TTL: variants seen among roughly 807,000 people sequenced by gnomAD.
The protein encoded by TTL is tubulin tyrosine ligase.
A neutral mutation model predicts 41.1 loss-of-function variants in TTL; 10 were observed. The ratio of observed to expected loss-of-function variants is 0.24; its 90% CI spans 0.15 to 0.41. The LOEUF is 0.41. TTL is among the 10% of genes least tolerant of loss of function. TTL has a pLI of 1.00. For synonymous variants in TTL, 175 were observed against 175.5 expected, an observed-to-expected ratio of 1.00 and a Z score of 0.02; for missense variants, 367 against 460.4, an observed-to-expected ratio of 0.80 and a Z score of 1.86.
In TTL at chr2:112,533,741, A is replaced by G. The variant is rs889507497; in HGVS notation, c.*4946A>G. Reference sequence around the variant, plus strand: ...CATGAGGGTAGAGCTCTCGTGACCTAACCTCTTACAGGTCCCACCTCTCAA... The same window carrying G: ...CATGAGGGTAGAGCTCTCGTGACCTGACCTCTTACAGGTCCCACCTCTCAA... On this transcript the variant is annotated 3_prime_UTR_variant, in exon 7 of 7. Transcript: ENST00000233336. 6.6e-6 allele frequency: 1 copy of G among 152,182 alleles called. No individual in the cohort carries two copies. The highest frequency in any genetic ancestry group is 2.1e-4 in the South Asian group (1 of 4,824). The allele number at this position is 152,182 out of a possible 1,614,324, so 9.4% of individuals were successfully genotyped here. A position where few individuals can be genotyped will look rare whatever the true frequency, so the allele number is the denominator to read the frequency against.
intron 3 of TTL, among the ~76,000 whole-genome samples, chr2:112,494,951 G>A (rs1410400478): frequency 6.6e-6 from 1 of 152,166 alleles, no homozygotes; most frequent in Non-Finnish European, 1.5e-5. Flanking sequence ...TTTTCAAAAC[G>A]TAAATCTAAT....
chr2:112,482,716 G>A lies in TTL; in HGVS notation c.157+215G>A, dbSNP rs1350177121. On this transcript the variant is annotated intron_variant, in intron 1 of 6. Transcript: ENST00000233336. The surrounding 1 kb of genome is among the most constrained non-coding windows in gnomAD (Gnocchi z 5.3). ...GGATTTAGAGTCGGAGTCGCGGTGC[G>A]GCCACTCGGGGCCGCAGCTACCTCC... Among the ~76,000 whole-genome samples, 1 of 152,202 alleles carries A rather than the reference G, an allele frequency of 6.6e-6. No individual in the cohort carries two copies. Among genetic ancestry groups the A allele is most frequent in the Non-Finnish European group, 1.5e-5 (1 of 68,032 alleles).
At chr2:112,528,512 A>T (rs1300399694) in intron 6 of TTL, among the ~76,000 whole-genome samples, 169 bp from the exon 7 acceptor site, 2 of 152,090 alleles carry the variant, frequency 1.3e-5, no homozygotes, top group Non-Finnish European at 2.9e-5. Context: ...AGGTGGGAGG[A>T]TCCCTTGAGC....
chr2:112,482,616 C>A lies in TTL; in HGVS notation c.157+115C>A. ...AGGTCATACATTTTCTCCTCTGTCGCTTGTCGGGCACATCAGAAACGGATT... is the reference window on the plus strand; with the variant it reads ...AGGTCATACATTTTCTCCTCTGTCGATTGTCGGGCACATCAGAAACGGATT... On this transcript the variant is annotated intron_variant, in intron 1 of 6. Transcript: ENST00000233336. The surrounding 1 kb of genome is among the most constrained non-coding windows in gnomAD (Gnocchi z 5.3). 1 of 1,162,264 alleles carries A rather than the reference C, an allele frequency of 8.6e-7. No individual in the cohort carries two copies. Among genetic ancestry groups the A allele is most frequent in the Non-Finnish European group, 1.2e-6 (1 of 857,768 alleles). 72.0% of individuals were successfully genotyped at this position (1,162,264 alleles called of 1,614,324 possible).
intron 1 of TTL, among the ~76,000 whole-genome samples, chr2:112,484,303 G>A (rs1158527911): frequency 2.7e-5 from 4 of 148,572 alleles, no homozygotes; most frequent in Non-Finnish European, 5.9e-5. Flanking sequence ...TCACTCTGTC[G>A]CCCAGGCTGG....
intron 1 of TTL, 137 bp from the exon 2 acceptor site, chr2:112,485,780 A>G: frequency 3.8e-6 from 3 of 792,598 alleles, no homozygotes; most frequent in South Asian, 3.5e-5. Flanking sequence ...GGGGACAGAG[A>G]AACAAAATTG....
intron 5 of TTL, among the ~76,000 whole-genome samples, chr2:112,509,406 C>T (rs1241166642): frequency 6.6e-6 from 1 of 152,208 alleles, no homozygotes; most frequent in Non-Finnish European, 1.5e-5. Context: ...CGGCGCCCCT[C>T]CCCCAGCCTC....
At chr2:112,524,990 GTT>G (rs1269522466) in intron 6 of TTL, among the ~76,000 whole-genome samples, 1 of 152,176 alleles carries the variant, frequency 6.6e-6, no homozygotes, top group Admixed American at 6.6e-5. Flanking sequence ...AAGGGATCCA[GTT>G]TCAGCTTTCT....
Position 112,482,885 on chromosome 2 carries a change from T to C in TTL, c.157+384T>C, listed in dbSNP as rs1452916284. Among the ~76,000 whole-genome samples, 6 of 152,124 alleles carry C rather than the reference T, an allele frequency of 3.9e-5. No homozygotes were observed. The highest frequency in any genetic ancestry group is 8.8e-5 in the Non-Finnish European group (6 of 68,002). On this transcript the variant is annotated intron_variant, in intron 1 of 6. Coordinates refer to ENST00000233336, the MANE Select transcript of TTL (RefSeq NM_153712.5). The surrounding 1 kb of genome is among the most constrained non-coding windows in gnomAD (Gnocchi z 5.3). The stretch of plus-strand genomic sequence containing the variant: ...GGCGCGGCTCCGCAGAGCGGGCGGC[T>C]GGAGTCATCTTTTGCAGCTCGTCTG...
chr2:112,484,352 C>T (rs1681181537), intron 1 of TTL, among the ~76,000 whole-genome samples: 1 of 151,740 alleles, frequency 6.6e-6, no homozygotes, highest in Non-Finnish European at 1.5e-5. Context: ...CAACCTCTCC[C>T]TCCTGGGTTC....
rs1682567467 is a variant in TTL at position 112,534,677 on chromosome 2, A to G, written c.*5882A>G. 1 of 152,260 alleles carries G rather than the reference A, an allele frequency of 6.6e-6. No homozygotes were observed. Among genetic ancestry groups the G allele is most frequent in the Non-Finnish European group, 1.5e-5 (1 of 68,056 alleles). 9.4% of individuals were successfully genotyped at this position (152,260 alleles called of 1,614,324 possible). A position where few individuals can be genotyped will look rare whatever the true frequency, so the allele number is the denominator to read the frequency against. ...AAAAAATCAACAGCAATTGTTGAAC[A>G]TCTCAGCTTCCTAAGGTGGCTGTAA... On this transcript the variant is annotated 3_prime_UTR_variant, in exon 7 of 7. Transcript: ENST00000233336.
intron 4 of TTL, among the ~76,000 whole-genome samples, chr2:112,501,830 C>T (rs960195306): frequency 1.0e-4 from 15 of 149,066 alleles, no homozygotes; most frequent in African/African-American, 3.7e-4. Flanking sequence ...TGCACCATTG[C>T]ACTCCAGCCT....
intron 5 of TTL, among the ~76,000 whole-genome samples, chr2:112,519,559 T>G (rs866370153): frequency 0.012 from 1,807 of 151,588 alleles, 33 homozygotes; most frequent in African/African-American, 0.041. Context: ...TGTTTTTTTT[T>G]TTTTTTTTTT....
At chr2:112,499,370 C>T (rs1486643108) in intron 3 of TTL, among the ~76,000 whole-genome samples, 3 of 151,930 alleles carry the variant, frequency 2.0e-5, no homozygotes, top group South Asian at 2.1e-4. Flanking sequence ...ACATATATGC[C>T]CATCTGATAT....
rs75064979 is a variant in TTL at position 112,528,933 on chromosome 2, G to A, written c.*138G>A. On this transcript the variant is annotated 3_prime_UTR_variant, in exon 7 of 7. Coordinates refer to ENST00000233336, the MANE Select transcript of TTL (RefSeq NM_153712.5). ...GCAAAGATGAGATGGAAGAAGGCAC[G>A]TGAGCAGAGGAGGCAGCTCCCAAAG... The A allele has an allele frequency of 1.5e-3, 1,042 of 703,140 alleles. 5 individuals carry two copies. In the African/African-American group the frequency reaches 0.017, roughly 11 times the overall value. The allele number at this position is 703,140 out of a possible 1,614,324, so 43.6% of individuals were successfully genotyped here.
chr2:112,520,169 C>T, intron 5 of TTL, 113 bp from the exon 6 acceptor site: 2 of 1,104,926 alleles, frequency 1.8e-6, no homozygotes, highest in Non-Finnish European at 2.6e-6. Flanking sequence ...AGAATTAAAG[C>T]TGATAAGCTG....
At chr2:112,503,405 A>G (rs191293357) in intron 5 of TTL, among the ~76,000 whole-genome samples, 4,068 of 135,448 alleles carry the variant, frequency 0.03, 72 homozygotes, top group African/African-American at 0.064. Flanking sequence ...GTGTGTGTGT[A>G]TATATATATA....
intron 5 of TTL, among the ~76,000 whole-genome samples, chr2:112,519,539 G>A (rs1052516452): frequency 5.4e-5 from 8 of 147,314 alleles, no homozygotes; most frequent in Admixed American, 4.7e-4. Flanking sequence ...GCGACATCGT[G>A]AGGTCAACAT....
chr2:112,488,111 C>G (rs903178847), intron 2 of TTL, among the ~76,000 whole-genome samples: 4 of 152,196 alleles, frequency 2.6e-5, no homozygotes, highest in Non-Finnish European at 5.9e-5. Flanking sequence ...GTCCTTCCCC[C>G]TGTCACTTCA....
Sources: gnomAD v4.1 joint callset for allele counts (sites outside exome capture counted in the v4.1 genomes callset) on GRCh38, gnomAD v4.1.1 for gene constraint, Gnocchi (gnomAD v3.1) non-coding constraint, MANE v1.5 for transcripts, NCBI Gene and HGNC (gene_info 2026-07-23, HGNC 2026-07-21) for gene names.